ARG1: variants seen among roughly 807,000 people sequenced by gnomAD.
ARG1 encodes the protein arginase 1.
A neutral mutation model predicts 33.0 loss-of-function variants in ARG1; 20 were observed. The observed-to-expected ratio is 0.61, with a 90% CI of 0.43 to 0.88. ARG1 has a LOEUF of 0.88. Among genes scored for constraint, ARG1 ranks in the 40% least tolerant of loss-of-function variants. The pLI, the probability that ARG1 is intolerant of heterozygous loss-of-function variation, is 0.00. For missense variants in ARG1, 374 were observed against 384.7 expected (o/e 0.97, Z 0.23); for synonymous variants, 146 against 140.6 (o/e 1.04, Z -0.27).
At chr6:131,579,354 A>G (rs1381088839) in intron 3 of ARG1, 69 bp downstream of exon 3, 1 of 1,553,668 alleles carries the variant, frequency 6.4e-7, no homozygotes, top group South Asian at 1.2e-5. Context: ...AAGAAGAGAG[A>G]AAATTTAGAA....
intron 1 of ARG1, chr6:131,574,414 A>G: frequency 8.8e-7 from 1 of 1,135,858 alleles, no homozygotes; most frequent in Non-Finnish European, 1.3e-6. Flanking sequence ...ACACAGGGAC[A>G]TTTTGCTGAC....
intron 1 of ARG1, among the ~76,000 whole-genome samples, chr6:131,575,626 C>T (rs1306446009): frequency 6.6e-6 from 1 of 152,194 alleles, no homozygotes; most frequent in African/African-American, 2.4e-5. Flanking sequence ...AGCCCCAATC[C>T]TAAAGATAGA....
At chr6:131,580,754 A>G (rs1037801403) in intron 3 of ARG1, among the ~76,000 whole-genome samples, 2 of 145,742 alleles carry the variant, frequency 1.4e-5, no homozygotes, top group Admixed American at 1.3e-4. Context: ...CTCTCAAATT[A>G]TAAAAGCTGG....
At chr6:131,578,647 C>T (rs1230311628) in intron 2 of ARG1, among the ~76,000 whole-genome samples, 1 of 151,948 alleles carries the variant, frequency 6.6e-6, no homozygotes, top group Admixed American at 6.6e-5. Flanking sequence ...GTGTGTATCT[C>T]CAGATGAAAA....
chr6:131,583,328 C>A, intron 6 of ARG1, 27 bp from the exon 7 acceptor site: 1 of 1,613,998 alleles, frequency 6.2e-7, no homozygotes, highest in South Asian at 1.1e-5. Flanking sequence ...CAACCTTAAA[C>A]TGAAATCCTT....
chr6:131,581,724 TC>T (rs1225829191), intron 4 of ARG1, among the ~76,000 whole-genome samples: 6 of 152,170 alleles, frequency 3.9e-5, no homozygotes, highest in African/African-American at 1.4e-4. Flanking sequence ...TAGCACCAGG[TC>T]TCCTCATTCC....
Position 131,584,275 on chromosome 6 carries a change from G to GC in ARG1, c.*367_*368insC. ...GCTACCACATGTGGAAAGGTACTATGTGTCCATGTCATTCAAAAAATGTGA... is the reference window on the plus strand; with the variant it reads ...GCTACCACATGTGGAAAGGTACTATGCTGTCCATGTCATTCAAAAAATGTGA... On this transcript the variant is annotated 3_prime_UTR_variant, in exon 8 of 8. Transcript: ENST00000368087. 1 of 249,242 alleles carries GC rather than the reference G, an allele frequency of 4.0e-6. No individual in the cohort carries two copies. Among genetic ancestry groups the GC allele is most frequent in the Non-Finnish European group, 7.8e-6 (1 of 127,586 alleles). The allele number at this position is 249,242 out of a possible 1,614,324, so 15.4% of individuals were successfully genotyped here.
intron 1 of ARG1, 121 bp downstream of exon 1, chr6:131,573,460 C>A: frequency 2.1e-6 from 2 of 937,788 alleles, no homozygotes; most frequent in South Asian, 1.4e-5. Flanking sequence ...CCAGGAAATG[C>A]ATATTTTAAA....
chr6:131,582,727 C>A lies in ARG1; in HGVS notation c.560+12C>A, dbSNP rs752122488. The stretch of plus-strand genomic sequence containing the variant: ...GACCCTGGGGAACAGTAAGCTTATT[C>A]CTTGATGTGATTTGCCTCCATTTTT... On this transcript the variant is annotated intron_variant, in intron 5 of 7. Transcript: ENST00000368087. 1 of 1,611,334 alleles carries A rather than the reference C, an allele frequency of 6.2e-7. No individual in the cohort carries two copies. Among genetic ancestry groups the A allele is most frequent in the South Asian group, 1.1e-5 (1 of 91,008 alleles).
intron 4 of ARG1, 28 bp from the exon 5 acceptor site, chr6:131,582,593 T>C (rs750758012): frequency 1.3e-6 from 2 of 1,568,660 alleles, no homozygotes. Flanking sequence ...GAATCATACA[T>C]AACCAAGTGA....
chr6:131,573,287 G>T lies in ARG1; in HGVS notation c.5G>T (p.Ser2Ile), dbSNP rs1451420493. 2 of 1,614,070 alleles carry T rather than the reference G, an allele frequency of 1.2e-6. No homozygotes were observed. Among genetic ancestry groups the T allele is most frequent in the Middle Eastern group, 3.3e-4 (2 of 6,062 alleles). M[S>I]AKSRTIGIIG... is the part of the protein sequence containing the mutation. ...AGCAAAGAGAAGTGTCAGAGCATGAGCGCCAAGTCCAGAACCATAGGGATT... is the reference window on the plus strand; with the variant it reads ...AGCAAAGAGAAGTGTCAGAGCATGATCGCCAAGTCCAGAACCATAGGGATT... Residue 2 changes from serine (S) to isoleucine (I), a missense_variant, in exon 1 of 8, where the codon AGC (serine) becomes ATC (isoleucine). Ser to Ile is a moderately radical substitution (Grantham distance 142). Coordinates refer to ENST00000368087, the MANE Select transcript of ARG1 (RefSeq NM_000045.4).
intron 1 of ARG1, chr6:131,574,229 C>CT: frequency 6.2e-7 from 1 of 1,600,666 alleles, no homozygotes; most frequent in Non-Finnish European, 8.6e-7. Flanking sequence ...CTCCAGGTTT[C>CT]TCAGGATCTG....
At chr6:131,577,163 C>T (rs967523781) in intron 2 of ARG1, among the ~76,000 whole-genome samples, 47 of 152,184 alleles carry the variant, frequency 3.1e-4, no homozygotes, top group African/African-American at 1.1e-3. Flanking sequence ...TGTATATATA[C>T]ATACATATAC....
rs1444218993 is a variant in ARG1 at position 131,576,858 on chromosome 6, C to T, written c.130+123C>T. On this transcript the variant is annotated intron_variant, in intron 2 of 7. Transcript: ENST00000368087. ...ATCAGAATTGCGGTACTGGTTACAA[C>T]CCGAGAAACACATCCTACAAAAGCA... is the stretch of plus-strand genomic sequence containing the variant. The T allele has an allele frequency of 6.0e-6, 5 of 833,494 alleles. No homozygotes were observed. In the Admixed American group the frequency reaches 1.0e-4, roughly 17 times the overall value. 51.6% of individuals were successfully genotyped at this position (833,494 alleles called of 1,614,324 possible).
intron 7 of ARG1, 37 bp downstream of exon 7, chr6:131,583,528 A>G: frequency 6.2e-7 from 1 of 1,605,704 alleles, no homozygotes; most frequent in Non-Finnish European, 8.5e-7. Context: ...AAGCAAGTGT[A>G]CACTTGACTA....
chr6:131,573,491 C>T (rs1372735511), intron 1 of ARG1, 152 bp downstream of exon 1: 1 of 757,090 alleles, frequency 1.3e-6, no homozygotes, highest in Non-Finnish European at 2.3e-6. Flanking sequence ...CATTTTCCAA[C>T]ATTGTATAAT....
Position 131,579,449 on chromosome 6 carries a change from A to C in ARG1, c.305+164A>C, listed in dbSNP as rs761442848. ...TTTATAGGTTACTTTTATTATAGAA[A>C]CAGACTTCGCTCAATTTGAAGTCTT... On this transcript the variant is annotated intron_variant, in intron 3 of 7. Coordinates refer to ENST00000368087, the MANE Select transcript of ARG1 (RefSeq NM_000045.4). The C allele has an allele frequency of 2.5e-4, 170 of 670,498 alleles. 1 individual carries two copies. The highest frequency in any genetic ancestry group is 3.8e-4 in the Non-Finnish European group (155 of 411,552). 41.5% of individuals were successfully genotyped at this position (670,498 alleles called of 1,614,324 possible).
intron 4 of ARG1, 39 bp downstream of exon 4, chr6:131,581,417 T>G (rs1773919087): frequency 6.3e-7 from 1 of 1,582,532 alleles, no homozygotes; most frequent in African/African-American, 1.4e-5. Flanking sequence ...ATAGAATACT[T>G]TTTAGTAGAC....
chr6:131,583,275 TA>T, intron 6 of ARG1, 79 bp from the exon 7 acceptor site: 1 of 1,609,080 alleles, frequency 6.2e-7, no homozygotes, highest in Non-Finnish European at 8.5e-7. Context: ...CTACTTTTTA[TA>T]AAACAAGTTA....
Sources: allele counts gnomAD v4.1 joint callset (sites outside exome capture counted in the v4.1 genomes callset), GRCh38; gene constraint gnomAD v4.1.1; transcripts MANE v1.5; gene names NCBI Gene and HGNC (gene_info 2026-07-23, HGNC 2026-07-21).